The following ADGRB3 variants were observed in gnomAD, a reference collection of about 807,000 sequenced individuals.
The protein encoded by ADGRB3 is brain-specific angiogenesis inhibitor 3.
Under a neutral mutation model 193.4 loss-of-function variants are expected in ADGRB3, and 37 were observed. That is an observed-to-expected ratio of 0.19 (90% CI 0.15 to 0.25). ADGRB3 has a LOEUF of 0.25. Among genes scored for constraint, ADGRB3 ranks in the 10% least tolerant of loss-of-function variants. The probability of loss-of-function intolerance (pLI) is 1.00; values close to 1 mark genes in which losing one functional copy is unlikely to be tolerated. For missense variants in ADGRB3, 1,637 were observed against 1,852.9 expected (o/e 0.88, Z 2.14); for synonymous variants, 690 against 644.2 (o/e 1.07, Z -1.08).
chr6:68,852,569 C>G (rs1582255454), intron 3 of ADGRB3, among the ~76,000 whole-genome samples: 1 of 151,994 alleles, frequency 6.6e-6, no homozygotes, highest in Non-Finnish European at 1.5e-5. Flanking sequence ...CAGAGGTAAA[C>G]AAATGTATTT....
At chr6:69,116,165 C>A (rs1459401934) in intron 17 of ADGRB3, among the ~76,000 whole-genome samples, 3 of 152,158 alleles carry the variant, frequency 2.0e-5, no homozygotes, top group Admixed American at 6.5e-5. Flanking sequence ...TTCTTAAGGC[C>A]TTCAACTGGT....
At chr6:68,860,933 A>G (rs1372509805) in intron 3 of ADGRB3, among the ~76,000 whole-genome samples, 1 of 152,176 alleles carries the variant, frequency 6.6e-6, no homozygotes, top group African/African-American at 2.4e-5. Context: ...AACCAGTGGT[A>G]GTTTGTTAAA....
intron 3 of ADGRB3, among the ~76,000 whole-genome samples, chr6:68,675,730 G>GT (rs1197186979): frequency 1.3e-5 from 2 of 152,120 alleles, no homozygotes; most frequent in African/African-American, 4.8e-5. Context: ...ACCTTCCCCT[G>GT]TAAGTGGGAC....
intron 3 of ADGRB3, among the ~76,000 whole-genome samples, chr6:68,887,166 G>A (rs1001365947): frequency 1.1e-4 from 17 of 151,862 alleles, no homozygotes; most frequent in African/African-American, 3.6e-4. Context: ...GTTCAAAGTT[G>A]TGCAGCTTTA....
intron 17 of ADGRB3, among the ~76,000 whole-genome samples, chr6:69,105,664 T>C (rs1018312065): frequency 2.6e-5 from 4 of 152,168 alleles, no homozygotes; most frequent in African/African-American, 9.7e-5. Flanking sequence ...AAACATTTAA[T>C]ATCCCAAAAA....
At chr6:69,271,939 G>C (rs546769126) in intron 20 of ADGRB3, among the ~76,000 whole-genome samples, 3 of 152,140 alleles carry the variant, frequency 2.0e-5, no homozygotes, top group South Asian at 2.1e-4. Flanking sequence ...GTGTAGAAAG[G>C]TACCATTTCT....
chr6:68,989,825 G>A (rs1769181315), intron 10 of ADGRB3, among the ~76,000 whole-genome samples: 1 of 152,094 alleles, frequency 6.6e-6, no homozygotes, highest in African/African-American at 2.4e-5. Context: ...AAGTTGTTGG[G>A]CTCAAACCAA....
At chr6:68,958,664 AT>A (rs765402674) in intron 8 of ADGRB3, among the ~76,000 whole-genome samples, 23 of 152,272 alleles carry the variant, frequency 1.5e-4, no homozygotes, top group South Asian at 6.2e-4. Context: ...GGTTAAAAAA[AT>A]ATCACATAAA....
At chr6:69,269,702 G>A (rs896801865) in intron 20 of ADGRB3, among the ~76,000 whole-genome samples, 4 of 151,994 alleles carry the variant, frequency 2.6e-5, no homozygotes, top group Non-Finnish European at 4.4e-5. Flanking sequence ...CATAGGTAAC[G>A]ACTAAAACGT....
intron 3 of ADGRB3, among the ~76,000 whole-genome samples, chr6:68,728,826 C>A (rs758855507): frequency 6.6e-6 from 1 of 151,452 alleles, no homozygotes; most frequent in African/African-American, 2.4e-5. Flanking sequence ...GGAACCTTGC[C>A]AATAAACTGT....
Position 69,361,029 on chromosome 6 carries a change from A to C in ADGRB3, c.3756A>C (p.Gln1252His), listed in dbSNP as rs1769439924. 2 of 1,612,666 alleles carry C rather than the reference A, an allele frequency of 1.2e-6. No homozygotes were observed. Among genetic ancestry groups the C allele is most frequent in the South Asian group, 2.2e-5 (2 of 91,056 alleles). The change falls in exon 29 of 32, where the codon CAA becomes CAC. Residue 1252 changes from glutamine to histidine, a missense_variant. By Grantham distance (24) the Gln-to-His change is conservative (BLOSUM62 0). Transcript: ENST00000370598. The part of the protein sequence containing the change: ...GNVISKVIIQ[Q>H]PTGLHMPMSM... Reference sequence around the variant, plus strand: ...TCATTTCCAAAGTCATCATCCAGCAACCCACAGGTTTGCACATGCCCATGA... The same window carrying C: ...TCATTTCCAAAGTCATCATCCAGCACCCCACAGGTTTGCACATGCCCATGA...
intron 15 of ADGRB3, among the ~76,000 whole-genome samples, chr6:69,062,611 T>G (rs1771782028): frequency 6.6e-6 from 1 of 151,892 alleles, no homozygotes; most frequent in Admixed American, 6.6e-5. Flanking sequence ...ATTATATTCA[T>G]TTAAATATTG....
At chr6:68,918,000 T>C (rs932113248) in intron 3 of ADGRB3, among the ~76,000 whole-genome samples, 1 of 152,222 alleles carries the variant, frequency 6.6e-6, no homozygotes, top group Non-Finnish European at 1.5e-5. Context: ...TATACTCTTA[T>C]ACAATTTTCT....
intron 3 of ADGRB3, among the ~76,000 whole-genome samples, chr6:68,667,468 G>A (rs1561988381): frequency 6.6e-6 from 1 of 151,620 alleles, no homozygotes; most frequent in Admixed American, 6.6e-5. Context: ...AGAAATTTTA[G>A]GAATGATTCC....
chr6:68,768,053 T>C (rs1306047648), intron 3 of ADGRB3, among the ~76,000 whole-genome samples: 1 of 151,912 alleles, frequency 6.6e-6, no homozygotes, highest in African/African-American at 2.4e-5. Context: ...CACAAACAAA[T>C]GGAAAAAACA....
chr6:69,023,102 T>C (rs1167363978), intron 13 of ADGRB3, among the ~76,000 whole-genome samples: 1 of 152,090 alleles, frequency 6.6e-6, no homozygotes, highest in East Asian at 1.9e-4. Context: ...ATCAGTGATG[T>C]GTCACATGTT....
intron 3 of ADGRB3, among the ~76,000 whole-genome samples, chr6:68,815,566 C>G (rs1255051806): frequency 6.6e-6 from 1 of 150,442 alleles, no homozygotes; most frequent in Non-Finnish European, 1.5e-5. Context: ...ATTCAACTTT[C>G]AAGATAACCA....
At chr6:69,236,045 T>C (rs1011521102) in intron 19 of ADGRB3, among the ~76,000 whole-genome samples, 1 of 152,018 alleles carries the variant, frequency 6.6e-6, no homozygotes, top group Non-Finnish European at 1.5e-5. Context: ...CAAAAGTAGA[T>C]ATTTCTGCCT....
chr6:69,302,535 A>T (rs1278169161), intron 20 of ADGRB3, among the ~76,000 whole-genome samples: 1 of 151,938 alleles, frequency 6.6e-6, no homozygotes, highest in African/African-American at 2.4e-5. Context: ...GAAGGCATCA[A>T]AGTGGTCTGT....
Sources: allele counts gnomAD v4.1 joint callset (sites outside exome capture counted in the v4.1 genomes callset), GRCh38; gene constraint gnomAD v4.1.1; transcripts MANE v1.5; gene names NCBI Gene and HGNC (gene_info 2026-07-23, HGNC 2026-07-21).